WWOX: variants seen among roughly 807,000 people sequenced by gnomAD.
The protein encoded by WWOX is WW domain containing oxidoreductase, also known as WW domain-containing oxidoreductase.
Under a neutral mutation model 46.2 loss-of-function variants are expected in WWOX, and 69 were observed. The observed-to-expected ratio is 1.49, with a 90% confidence interval of 1.23 to 1.82. The LOEUF (loss-of-function observed/expected upper bound fraction) is 1.82, where lower values mean the gene tolerates loss of function less well. WWOX is among the 40% of genes most tolerant of loss of function. WWOX has a pLI of 0.00. For missense variants in WWOX, 919 were observed against 542.6 expected (o/e 1.69, Z -6.89); for synonymous variants, 359 against 202.6 (o/e 1.77, Z -6.56).
chr16:79,117,333 C>T (rs937958470), intron 8 of WWOX, among the ~76,000 whole-genome samples: 3 of 152,126 alleles, frequency 2.0e-5, no homozygotes, highest in Admixed American at 2.0e-4. Flanking sequence ...TAAAGGAATA[C>T]AAATTTTTTC....
In WWOX at chr16:78,536,901, C is replaced by CTTTT. The variant is rs35326105; in HGVS notation, c.1056+104166_1056+104169dup. Among the ~76,000 whole-genome samples, 10 of 120,034 alleles carry CTTTT rather than the reference C, an allele frequency of 8.3e-5. 2 individuals carry two copies. The highest frequency in any genetic ancestry group is 8.7e-5 in the Non-Finnish European group (5 of 57,344). The allele number at this position is 120,034 out of a possible 152,430, so 78.7% of individuals were successfully genotyped here. A position where few individuals can be genotyped will look rare whatever the true frequency, so the allele number is the denominator to read the frequency against. ...GTATGTGCTGGTTGCAGAGCCAAGTCTTTTTTTTTTTTTTTTTTTTCCTCC... is the reference window on the plus strand; with the variant it reads ...GTATGTGCTGGTTGCAGAGCCAAGTCTTTTTTTTTTTTTTTTTTTTTTTTCCTCC... On this transcript the variant is annotated intron_variant, in intron 8 of 8. Coordinates refer to ENST00000566780, the MANE Select transcript of WWOX (RefSeq NM_016373.4).
At chr16:78,321,371 CGTATATAT>C (rs1345740826) in intron 5 of WWOX, among the ~76,000 whole-genome samples, 10 of 45,330 alleles carry the variant, frequency 2.2e-4, no homozygotes, top group Admixed American at 7.6e-4. Context: ...TATATATATA[CGTATATAT>C]GCGTATATAT....
intron 4 of WWOX, among the ~76,000 whole-genome samples, chr16:78,116,039 A>T (rs918319238): frequency 1.3e-5 from 2 of 151,924 alleles, no homozygotes; most frequent in Admixed American, 1.3e-4. Flanking sequence ...AAAGGTGTCT[A>T]TATTTATGGG....
intron 8 of WWOX, among the ~76,000 whole-genome samples, chr16:78,484,621 G>A (rs1250987831): frequency 2.6e-5 from 4 of 152,106 alleles, no homozygotes; most frequent in Non-Finnish European, 2.9e-5. Context: ...GGTGGCAAAC[G>A]GTAGTATTTG....
intron 8 of WWOX, among the ~76,000 whole-genome samples, chr16:79,150,927 G>C (rs1475977975): frequency 6.6e-6 from 1 of 152,142 alleles, no homozygotes; most frequent in African/African-American, 2.4e-5. Context: ...GCTGTCACTG[G>C]TGTAGAAGAC....
intron 5 of WWOX, among the ~76,000 whole-genome samples, chr16:78,314,436 C>T (rs1361093307): frequency 1.4e-5 from 2 of 147,296 alleles, no homozygotes; most frequent in Admixed American, 6.8e-5. Flanking sequence ...ACAGGACATA[C>T]GTAGGACCCC....
chr16:79,118,423 T>A (rs2049562161), intron 8 of WWOX, among the ~76,000 whole-genome samples: 1 of 152,152 alleles, frequency 6.6e-6, no homozygotes, highest in South Asian at 2.1e-4. Flanking sequence ...ATAATAATAA[T>A]TTAAAAGCTT....
intron 8 of WWOX, among the ~76,000 whole-genome samples, chr16:78,656,200 AAGGT>A (rs1336619175): frequency 1.3e-5 from 2 of 151,858 alleles, no homozygotes; most frequent in Non-Finnish European, 1.5e-5. Flanking sequence ...GTGTGTGTGA[AAGGT>A]AGGATCACCT....
chr16:79,057,409 G>T (rs1037110673), intron 8 of WWOX, among the ~76,000 whole-genome samples: 1 of 152,148 alleles, frequency 6.6e-6, no homozygotes, highest in Non-Finnish European at 1.5e-5. Flanking sequence ...TTTACCAACT[G>T]TTTTTGCTAA....
At chr16:78,418,438 C>T (rs558914793) in intron 6 of WWOX, among the ~76,000 whole-genome samples, 1 of 151,828 alleles carries the variant, frequency 6.6e-6, no homozygotes, top group East Asian at 1.9e-4. Flanking sequence ...GGAGGAAACA[C>T]TTTCCATCTG....
At chr16:78,426,037 G>A (rs2083069953) in intron 7 of WWOX, among the ~76,000 whole-genome samples, 2 of 152,036 alleles carry the variant, frequency 1.3e-5, no homozygotes, top group Non-Finnish European at 2.9e-5. Flanking sequence ...AGGGGCTTAT[G>A]GTATAAGTGA....
intron 8 of WWOX, among the ~76,000 whole-genome samples, chr16:78,592,601 T>G (rs112909947): frequency 4.6e-5 from 7 of 152,282 alleles, no homozygotes; most frequent in African/African-American, 1.7e-4. Flanking sequence ...TTTTTATTTC[T>G]TAGAGCCAGA....
intron 8 of WWOX, among the ~76,000 whole-genome samples, chr16:78,728,863 G>C (rs757416853): frequency 2.6e-5 from 4 of 152,160 alleles, no homozygotes; most frequent in Non-Finnish European, 4.4e-5. Context: ...TTTCCTCCTT[G>C]TTACATGGAG....
At chr16:78,875,430 G>A (rs1342961443) in intron 8 of WWOX, among the ~76,000 whole-genome samples, 2 of 152,138 alleles carry the variant, frequency 1.3e-5, no homozygotes, top group African/African-American at 4.8e-5. Context: ...TGTCTGATCT[G>A]CCTGGCTAGA....
chr16:78,968,082 G>A (rs183212060), intron 8 of WWOX, among the ~76,000 whole-genome samples: 136 of 151,990 alleles, frequency 8.9e-4, no homozygotes, highest in African/African-American at 2.9e-3. Flanking sequence ...GTATGGCACA[G>A]TGCATGGTCC....
intron 5 of WWOX, among the ~76,000 whole-genome samples, chr16:78,285,314 C>G (rs1295872763): frequency 6.6e-6 from 1 of 152,060 alleles, no homozygotes; most frequent in African/African-American, 2.4e-5. Flanking sequence ...TGGCACCCAC[C>G]TGTAGTCCTT....
At chr16:79,010,088 A>C (rs1320503767) in intron 8 of WWOX, among the ~76,000 whole-genome samples, 1 of 152,088 alleles carries the variant, frequency 6.6e-6, no homozygotes, top group African/African-American at 2.4e-5. Context: ...CTGCTCACCC[A>C]CCATGTCCCT....
At chr16:79,131,973 C>T (rs2049887498) in intron 8 of WWOX, among the ~76,000 whole-genome samples, 1 of 152,114 alleles carries the variant, frequency 6.6e-6, no homozygotes, top group African/African-American at 2.4e-5. Flanking sequence ...TATTCACTAT[C>T]ATGAGAATAG....
intron 4 of WWOX, among the ~76,000 whole-genome samples, chr16:78,153,195 G>A (rs943388079): frequency 6.6e-6 from 1 of 152,194 alleles, no homozygotes; most frequent in Admixed American, 6.5e-5. Context: ...TACAGAAACA[G>A]AGGTATGGAT....
Sources: gnomAD v4.1 joint callset for allele counts (sites outside exome capture counted in the v4.1 genomes callset) on GRCh38, gnomAD v4.1.1 for gene constraint, MANE v1.5 for transcripts, NCBI Gene and HGNC (gene_info 2026-07-23, HGNC 2026-07-21) for gene names.